The following ZCCHC7 variants were observed in gnomAD, a reference collection of about 807,000 sequenced individuals.
ZCCHC7 encodes zinc finger CCHC domain-containing protein 7.
In ZCCHC7, 35 loss-of-function variants were observed where a neutral mutation model predicts 52.0. The observed-to-expected ratio is 0.67, with a 90% CI of 0.51 to 0.89. The LOEUF (loss-of-function observed/expected upper bound fraction) is 0.89, where lower values mean the gene tolerates loss of function less well. Ranked by LOEUF, ZCCHC7 falls within the 40% of genes least tolerant of loss-of-function variation. The pLI, the probability that ZCCHC7 is intolerant of heterozygous loss-of-function variation, is 0.00. For missense variants in ZCCHC7, 574 were observed against 649.1 expected (o/e 0.88, Z 1.26); for synonymous variants, 217 against 221.5 (o/e 0.98, Z 0.18).
chr9:37,336,906 A>T (rs1830690526), intron 6 of ZCCHC7, among the ~76,000 whole-genome samples: 1 of 152,116 alleles, frequency 6.6e-6, no homozygotes, highest in Non-Finnish European at 1.5e-5. Context: ...TTGTAAACCA[A>T]GCCATTTGTC....
At chr9:37,205,151 CT>C (rs1438569244) in intron 2 of ZCCHC7, 24 of 311,842 alleles carry the variant, frequency 7.7e-5, no homozygotes, top group Non-Finnish European at 1.3e-4. Context: ...GGTTAATTCT[CT>C]TGGCAAGAAT....
chr9:37,129,074 A>C (rs1328987541), intron 2 of ZCCHC7, among the ~76,000 whole-genome samples: 1 of 152,166 alleles, frequency 6.6e-6, no homozygotes, highest in Non-Finnish European at 1.5e-5. Flanking sequence ...TTACTGTCTC[A>C]CATTTGACAT....
At chr9:37,278,869 TGAA>T (rs1827814410) in intron 2 of ZCCHC7, among the ~76,000 whole-genome samples, 1 of 152,104 alleles carries the variant, frequency 6.6e-6, no homozygotes, top group South Asian at 2.1e-4. Context: ...GAATGCCACA[TGAA>T]GATTATTTTA....
intron 2 of ZCCHC7, among the ~76,000 whole-genome samples, chr9:37,298,840 G>A (rs1345369459): frequency 6.6e-6 from 1 of 151,974 alleles, no homozygotes; most frequent in Non-Finnish European, 1.5e-5. Context: ...CTAAAATTGA[G>A]GTATTATCCA....
At chr9:37,125,489 CAGAGGGCCGTGCGA>C (rs1842504489) in intron 1 of ZCCHC7, among the ~76,000 whole-genome samples, 2 of 152,198 alleles carry the variant, frequency 1.3e-5, no homozygotes, top group Non-Finnish European at 2.9e-5. Context: ...GGCCAATGAT[CAGAGGGCCGTGCGA>C]TTAATTTGTT....
intron 7 of ZCCHC7, among the ~76,000 whole-genome samples, chr9:37,352,019 G>A (rs1821409735): frequency 6.6e-6 from 1 of 152,220 alleles, no homozygotes; most frequent in Non-Finnish European, 1.5e-5. Context: ...GATCATTGGT[G>A]TGGCTAATCC....
intron 6 of ZCCHC7, among the ~76,000 whole-genome samples, chr9:37,329,691 CA>C (rs934519506): frequency 4.6e-5 from 7 of 151,702 alleles, no homozygotes; most frequent in Non-Finnish European, 8.9e-5. Context: ...CAAATGTATG[CA>C]ATGAAGCAAT....
intron 2 of ZCCHC7, among the ~76,000 whole-genome samples, chr9:37,208,926 T>C (rs576172540): frequency 1.5e-4 from 23 of 152,244 alleles, no homozygotes; most frequent in Non-Finnish European, 3.4e-4. Flanking sequence ...CTCCTAATAC[T>C]ATCACCTATC....
At chr9:37,280,702 C>T (rs147277188) in intron 2 of ZCCHC7, among the ~76,000 whole-genome samples, 182 of 150,826 alleles carry the variant, frequency 1.2e-3, no homozygotes, top group African/African-American at 4.2e-3. Flanking sequence ...TTTGTTACTG[C>T]TTGATTAGCT....
chr9:37,214,768 A>G (rs2133231024), intron 2 of ZCCHC7, among the ~76,000 whole-genome samples: 1 of 152,152 alleles, frequency 6.6e-6, no homozygotes, highest in African/African-American at 2.4e-5. Context: ...TTTAGTGAAA[A>G]CAAATTAAAG....
In ZCCHC7 at chr9:37,305,585, C is replaced by T; in HGVS notation, c.822C>T (p.Leu274=). 2 of 1,614,082 alleles carry T rather than the reference C, an allele frequency of 1.2e-6. No homozygotes were observed. The highest frequency in any genetic ancestry group is 2.2e-5 in the South Asian group (2 of 91,080). Residue 274 remains leucine, a synonymous_variant, in exon 5 of 9, where the codon CTC becomes CTT. Coordinates refer to ENST00000336755, the MANE Select transcript of ZCCHC7 (RefSeq NM_032226.3). ...TCCTGTGCTCCAGGAGAGGACATCT[C>T]CTGTATTCCTGTCCAGCCCCCCTTT... ...RCFLCSRRGH[L]LYSCPAPLCE... is the part of the protein sequence containing the mutation.
chr9:37,239,951 AG>A (rs1825810832), intron 2 of ZCCHC7, among the ~76,000 whole-genome samples: 1 of 152,110 alleles, frequency 6.6e-6, no homozygotes, highest in Non-Finnish European at 1.5e-5. Context: ...AGAGATGTTC[AG>A]TAGACATTAA....
At chr9:37,167,707 G>A (rs1431299639) in intron 2 of ZCCHC7, among the ~76,000 whole-genome samples, 2 of 152,124 alleles carry the variant, frequency 1.3e-5, no homozygotes, top group Admixed American at 1.3e-4. Context: ...ACCAAGAAAT[G>A]GCTTAATCCT....
chr9:37,287,114 C>T (rs1057301136), intron 2 of ZCCHC7, among the ~76,000 whole-genome samples: 2 of 142,294 alleles, frequency 1.4e-5, no homozygotes, highest in African/African-American at 5.3e-5. Context: ...ACTGCAACCT[C>T]TGCCTCCCGG....
chr9:37,163,337 A>G (rs1385890978), intron 2 of ZCCHC7, among the ~76,000 whole-genome samples: 2 of 151,014 alleles, frequency 1.3e-5, no homozygotes, highest in African/African-American at 4.9e-5. Context: ...GCAGTGAGCC[A>G]AGATCATGCC....
At chr9:37,194,364 G>A (rs1413193630) in intron 2 of ZCCHC7, among the ~76,000 whole-genome samples, 1 of 152,128 alleles carries the variant, frequency 6.6e-6, no homozygotes, top group Non-Finnish European at 1.5e-5. Flanking sequence ...GAGTTAAGTA[G>A]CAACGGCCTT....
In ZCCHC7 at chr9:37,274,830, G is replaced by GT. The variant is rs796616473; in HGVS notation, c.611-27348dup. ...CATATTTAGGAATGTAATCTACTTT[G>GT]TTTTTTTTTTATATAGTGAGAGATG... On this transcript the variant is annotated intron_variant, in intron 2 of 8. Coordinates refer to ENST00000336755, the MANE Select transcript of ZCCHC7 (RefSeq NM_032226.3). 2.7e-3 allele frequency among the ~76,000 whole-genome samples: 397 copies of GT among 145,250 alleles called. 4 individuals carry two copies. Among genetic ancestry groups the GT allele is most frequent in the African/African-American group, 8.2e-3 (325 of 39,732 alleles).
intron 2 of ZCCHC7, among the ~76,000 whole-genome samples, chr9:37,237,248 A>G (rs1825694024): frequency 6.6e-6 from 1 of 152,208 alleles, no homozygotes; most frequent in South Asian, 2.1e-4. Flanking sequence ...TTCCATTAGA[A>G]CAAGACTGTA....
intron 6 of ZCCHC7, among the ~76,000 whole-genome samples, chr9:37,334,766 C>T (rs1458717810): frequency 6.6e-6 from 1 of 151,770 alleles, no homozygotes; most frequent in Non-Finnish European, 1.5e-5. Flanking sequence ...TTAAGAAATA[C>T]CGAAAACAAG....
Sources: gnomAD v4.1 joint callset for allele counts (sites outside exome capture counted in the v4.1 genomes callset) on GRCh38, gnomAD v4.1.1 for gene constraint, MANE v1.5 for transcripts, NCBI Gene and HGNC (gene_info 2026-07-23, HGNC 2026-07-21) for gene names.